The following UNC79 variants were observed in gnomAD, a reference collection of about 807,000 sequenced individuals.
The protein encoded by UNC79 is unc-79 subunit of NALCN channel complex, also known as protein unc-79 homolog.
A neutral mutation model predicts 283.1 loss-of-function variants in UNC79; 37 were observed. The ratio of observed to expected loss-of-function variants is 0.13; its 90% confidence interval spans 0.10 to 0.17. The LOEUF is 0.17. Ranked by LOEUF, UNC79 falls within the 10% of genes least tolerant of loss-of-function variation. UNC79 has a pLI of 1.00. For missense variants in UNC79, 2,272 were observed against 3,211.1 expected (o/e 0.71, Z 7.07); for synonymous variants, 1,107 against 1,200.2 (o/e 0.92, Z 1.61).
chr14:93,632,489 A>G (rs1455488300), intron 31 of UNC79, among the ~76,000 whole-genome samples: 1 of 152,194 alleles, frequency 6.6e-6, no homozygotes, highest in Non-Finnish European at 1.5e-5. Context: ...ACTTGAGCCC[A>G]GGAATTCGAG....
chr14:93,704,532 G>T, intron 47 of UNC79, 93 bp from the exon 51 acceptor site: 2 of 1,406,142 alleles, frequency 1.4e-6, no homozygotes, highest in South Asian at 1.2e-5. Context: ...ACGTGAAAGG[G>T]ATTCAATGTG....
At chr14:93,652,018 T>C (rs1306825797) in intron 35 of UNC79, among the ~76,000 whole-genome samples, 7 of 138,880 alleles carry the variant, frequency 5.0e-5, no homozygotes, top group African/African-American at 7.9e-5. Flanking sequence ...CACCTCGGCC[T>C]CCCAAAGTGC....
At chr14:93,702,550 A>T (rs1324505780) in intron 47 of UNC79, among the ~76,000 whole-genome samples, 1 of 152,270 alleles carries the variant, frequency 6.6e-6, no homozygotes, top group Admixed American at 6.5e-5. Flanking sequence ...AATGCAGCTT[A>T]TCACTTCACC....
chr14:93,463,280 C>T (rs1352480196), intron 1 of UNC79, among the ~76,000 whole-genome samples: 1 of 151,916 alleles, frequency 6.6e-6, no homozygotes, highest in Admixed American at 6.6e-5. Context: ...AATCTGGAGG[C>T]TCTAGATGAT....
At chr14:93,683,885 C>G (rs2074042730) in intron 42 of UNC79, among the ~76,000 whole-genome samples, 1 of 150,906 alleles carries the variant, frequency 6.6e-6, no homozygotes, top group Non-Finnish European at 1.5e-5. Context: ...GCATGAAGGA[C>G]ATATAGGAAG....
intron 1 of UNC79, among the ~76,000 whole-genome samples, chr14:93,402,832 C>T (rs2055138560): frequency 6.6e-6 from 1 of 152,178 alleles, no homozygotes. Context: ...TCTGCTGTCT[C>T]TGCTGAGCAA....
intron 24 of UNC79, 67 bp downstream of exon 24, chr14:93,597,607 GT>G (rs2065166717): frequency 1.3e-5 from 20 of 1,485,416 alleles, no homozygotes; most frequent in Admixed American, 1.1e-4. Context: ...TCATTGCGTT[GT>G]TTGTCACGTC....
chr14:93,486,205 C>T (rs920984165), intron 4 of UNC79, among the ~76,000 whole-genome samples: 32 of 152,158 alleles, frequency 2.1e-4, no homozygotes, highest in African/African-American at 7.0e-4. Flanking sequence ...CCATTCTGTT[C>T]ATGCTTGACA....
intron 4 of UNC79, 102 bp from the exon 5 acceptor site, chr14:93,487,561 A>AT (rs33942732): frequency 0.71 from 494,022 of 695,730 alleles, 156,676 homozygotes; most frequent in Admixed American, 0.8. Flanking sequence ...TATTGGAGCT[A>AT]TTTTTTTTTT....
At chr14:93,357,722 GATATATGGATGTATATAT>G (rs2054122138) in intron 1 of UNC79, among the ~76,000 whole-genome samples, 1 of 50,774 alleles carries the variant, frequency 2.0e-5, no homozygotes. Context: ...TATATATATG[GATATATGGATGTATATAT>G]ATATATGGAT....
chr14:93,659,593 A>G (rs1280765001), intron 39 of UNC79, among the ~76,000 whole-genome samples: 2 of 152,042 alleles, frequency 1.3e-5, no homozygotes, highest in African/African-American at 2.4e-5. Flanking sequence ...TTCTGTCAGG[A>G]TGATGTCCAG....
intron 41 of UNC79, 135 bp downstream of exon 44, chr14:93,673,590 C>T (rs1566903011): frequency 1.6e-6 from 1 of 630,184 alleles, no homozygotes; most frequent in East Asian, 3.0e-5. Context: ...TTATATGGAC[C>T]ATGATCTAAC....
intron 1 of UNC79, among the ~76,000 whole-genome samples, chr14:93,346,504 C>T (rs12889783): frequency 0.16 from 23,803 of 152,126 alleles, 2,082 homozygotes; most frequent in East Asian, 0.31. Context: ...GAAAATTAGC[C>T]GTAGTGACAG....
At chr14:93,509,886 C>T (rs181247024) in intron 7 of UNC79, among the ~76,000 whole-genome samples, 8 of 152,336 alleles carry the variant, frequency 5.3e-5, no homozygotes, top group Admixed American at 2.6e-4. Context: ...ACTCTGTGTA[C>T]GGGCTTCAAC....
At chr14:93,483,586 A>C (rs1476023903) in intron 4 of UNC79, among the ~76,000 whole-genome samples, 16 of 150,664 alleles carry the variant, frequency 1.1e-4, no homozygotes, top group Admixed American at 1.1e-3. Context: ...GGTTTGTTAC[A>C]TATGTATACA....
chr14:93,623,245 C>G (rs1266890906), intron 30 of UNC79, among the ~76,000 whole-genome samples: 1 of 152,128 alleles, frequency 6.6e-6, no homozygotes, highest in Admixed American at 6.5e-5. Flanking sequence ...AAAGAAGGAA[C>G]CAATGTGGAG....
At chr14:93,470,892 G>A (rs964091088) in intron 2 of UNC79, among the ~76,000 whole-genome samples, 2 of 152,262 alleles carry the variant, frequency 1.3e-5, no homozygotes, top group African/African-American at 4.8e-5. Flanking sequence ...TTTCAACAGC[G>A]AAGGTCTTTA....
chr14:93,333,479 C>T (rs770416348), exon 1 of UNC79: 1 of 398,622 alleles, frequency 2.5e-6, no homozygotes, highest in East Asian at 3.6e-5. Flanking sequence ...GCTGACAGTC[C>T]TGGCATTCCG....
chr14:93,550,565 A>G (rs2061841157), intron 14 of UNC79, among the ~76,000 whole-genome samples: 1 of 151,134 alleles, frequency 6.6e-6, no homozygotes, highest in South Asian at 2.1e-4. Flanking sequence ...TCCCTGGCTC[A>G]ATTTAGTCAT....
Sources: gnomAD v4.1 joint callset for allele counts (sites outside exome capture counted in the v4.1 genomes callset) on GRCh38, gnomAD v4.1.1 for gene constraint, MANE v1.5 for transcripts, NCBI Gene and HGNC (gene_info 2026-07-23, HGNC 2026-07-21) for gene names.